Variants in POLR1A observed in about 807,000 individuals in gnomAD.
POLR1A encodes the protein RNA polymerase I subunit A.
A neutral mutation model predicts 205.3 loss-of-function variants in POLR1A; 84 were observed. That is an observed-to-expected ratio of 0.41 (90% CI 0.34 to 0.49). POLR1A has a LOEUF of 0.49. Among genes scored for constraint, POLR1A ranks in the 20% least tolerant of loss-of-function variants. POLR1A has a pLI of 0.22. For synonymous variants in POLR1A, 799 were observed against 863.7 expected (o/e 0.93, Z 1.31); for missense variants, 1,645 against 2,204.5 (o/e 0.75, Z 5.08).
chr2:86,066,649 G>A (rs1673088316), intron 13 of POLR1A, among the ~76,000 whole-genome samples: 1 of 152,098 alleles, frequency 6.6e-6, no homozygotes, highest in Admixed American at 6.5e-5. Flanking sequence ...TAAGGCTAAG[G>A]GAACTCACAA....
At chr2:86,105,214 T>C (rs2104441956) in intron 1 of POLR1A, among the ~76,000 whole-genome samples, 1 of 152,318 alleles carries the variant, frequency 6.6e-6, no homozygotes, top group East Asian at 1.9e-4. Flanking sequence ...GAATGTCAAA[T>C]GCTACCTTGA....
Position 86,075,165 on chromosome 2 carries a change from T to C in POLR1A, c.1476A>G (p.Pro492=), listed in dbSNP as rs1673259165. 3 of 1,613,628 alleles carry C rather than the reference T, an allele frequency of 1.9e-6. No homozygotes were observed. Among genetic ancestry groups the C allele is most frequent in the Non-Finnish European group, 2.5e-6 (3 of 1,179,836 alleles). ...CCTCATTGATGACCATGGAGGCTCCTGGGTGCACATTAGGGCCGTTGATGA... is the reference window on the plus strand; with the variant it reads ...CCTCATTGATGACCATGGAGGCTCCCGGGTGCACATTAGGGCCGTTGATGA... The part of the protein sequence containing the change: ...QAVINGPNVH[P]GASMVINEDG... Residue 492 remains proline (P), a synonymous_variant, in exon 12 of 34, where the codon CCA becomes CCG. Coordinates refer to ENST00000263857, the MANE Select transcript of POLR1A (RefSeq NM_015425.6).
At chr2:86,062,335 T>C (rs557348645) in intron 14 of POLR1A, among the ~76,000 whole-genome samples, 44 of 152,302 alleles carry the variant, frequency 2.9e-4, no homozygotes, top group Admixed American at 5.2e-4. Flanking sequence ...GTACAAAGGA[T>C]TTGAAAAGGA....
At chr2:86,089,179 G>A (rs571302513) in intron 4 of POLR1A, among the ~76,000 whole-genome samples, 48 of 152,324 alleles carry the variant, frequency 3.2e-4, no homozygotes, top group Non-Finnish European at 5.9e-5. Context: ...CTCAATAAGT[G>A]CTAGTTACTT....
At chr2:86,099,896 T>C (rs1558788238) in intron 2 of POLR1A, 72 bp downstream of exon 2, 1 of 1,289,706 alleles carries the variant, frequency 7.8e-7, no homozygotes, top group Non-Finnish European at 1.1e-6. Context: ...TAGACCACTC[T>C]TGTGGGAGAG....
At chr2:86,104,770 T>C (rs950649201) in intron 1 of POLR1A, among the ~76,000 whole-genome samples, 5 of 152,216 alleles carry the variant, frequency 3.3e-5, no homozygotes, top group Admixed American at 3.3e-4. Flanking sequence ...GATATGCATT[T>C]AGGCCATGTT....
chr2:86,047,516 T>C (rs576349391), intron 18 of POLR1A, among the ~76,000 whole-genome samples: 3 of 152,330 alleles, frequency 2.0e-5, no homozygotes, highest in South Asian at 4.1e-4. Context: ...GTTTCATTCA[T>C]TGGCCAAAGA....
At chr2:86,098,947 T>C (rs1673759606) in intron 2 of POLR1A, among the ~76,000 whole-genome samples, 187 bp from the exon 3 acceptor site, 2 of 152,204 alleles carry the variant, frequency 1.3e-5, no homozygotes, top group Non-Finnish European at 2.9e-5. Context: ...CTATTTTCTT[T>C]TAAGGTTTTA....
rs35443467 is a variant in POLR1A at position 86,078,184 on chromosome 2, C to T, written c.1187G>A (p.Ser396Asn). The change falls in exon 10 of 34, where the codon AGC (serine) becomes AAC (asparagine). Residue 396 changes from serine to asparagine, a missense_variant. Physicochemically the swap from Ser to Asn is conservative, Grantham distance 46. Around this residue, in one of 16 missense-constraint regions of POLR1A, gnomAD observed 131 missense variants for 214.5 expected, o/e 0.61. Coordinates refer to ENST00000263857, the MANE Select transcript of POLR1A (RefSeq NM_015425.6). ...GCTATCAAACACAATATTGACGTGG[C>T]TCTGAAGGCGAATCCAAATGTTGTA... ...KLYNIWIRLQ[S>N]HVNIVFDSEM... is the part of the protein sequence containing the mutation. The T allele has an allele frequency of 1.4e-3, 2,286 of 1,613,232 alleles. 27 individuals are homozygous for T. In the African/African-American group the frequency reaches 0.025, roughly 18 times the overall value.
intron 13 of POLR1A, among the ~76,000 whole-genome samples, chr2:86,067,536 A>C (rs1673103028): frequency 6.6e-6 from 1 of 152,234 alleles, no homozygotes; most frequent in Non-Finnish European, 1.5e-5. Flanking sequence ...TTAAGTAAAA[A>C]GACGCCACAA....
chr2:86,050,204 C>T (rs182906242), intron 16 of POLR1A, among the ~76,000 whole-genome samples: 4 of 152,306 alleles, frequency 2.6e-5, no homozygotes. Context: ...GAGTGAGCCA[C>T]TGCACCTGGC....
intron 3 of POLR1A, among the ~76,000 whole-genome samples, chr2:86,091,607 C>CA (rs1673609652): frequency 6.6e-6 from 1 of 151,550 alleles, no homozygotes; most frequent in Admixed American, 6.6e-5. Flanking sequence ...ATATATTTTA[C>CA]AAAAAAAAGT....
intron 3 of POLR1A, among the ~76,000 whole-genome samples, chr2:86,096,205 A>T (rs1673700715): frequency 6.6e-6 from 1 of 152,204 alleles, no homozygotes; most frequent in Non-Finnish European, 1.5e-5. Flanking sequence ...CCAAAAAAAT[A>T]CCTAGGAATA....
chr2:86,097,668 T>C (rs897935199), intron 3 of POLR1A, among the ~76,000 whole-genome samples: 2 of 152,150 alleles, frequency 1.3e-5, no homozygotes, highest in Non-Finnish European at 2.9e-5. Context: ...TTCCTACTCA[T>C]ATGTGGAAGC....
At chr2:86,044,091 G>A (rs771318646) in intron 22 of POLR1A, 48 bp downstream of exon 22, 1 of 1,585,076 alleles carries the variant, frequency 6.3e-7, no homozygotes, top group East Asian at 2.2e-5. Flanking sequence ...AACCTCGGTG[G>A]GGGAGGCCTA....
At position 86,105,854 on chromosome 2, in the gene POLR1A, G is replaced by A. The variant is rs1184675900; in HGVS notation, c.-78C>T. 1.5e-6 allele frequency: 2 copies of A among 1,313,246 alleles called. No homozygotes were observed. The highest frequency in any genetic ancestry group is 1.9e-5 in the Admixed American group (1 of 52,924). 81.3% of individuals were successfully genotyped at this position (1,313,246 alleles called of 1,614,324 possible). A position where few individuals can be genotyped will look rare whatever the true frequency, so the allele number is the denominator to read the frequency against. On this transcript the variant is annotated 5_prime_UTR_variant, in exon 1 of 34. Transcript: ENST00000263857. ...CTGACTATTCTTAATTCAACCTCAA[G>A]CCCGGAGTCACCACGCGATTCAACG...
At position 86,079,680 on chromosome 2, in the gene POLR1A, A is replaced by T. The variant is rs530045208; in HGVS notation, c.1086+1136T>A. On this transcript the variant is annotated intron_variant, in intron 9 of 33. Coordinates refer to ENST00000263857, the MANE Select transcript of POLR1A (RefSeq NM_015425.6). Reference sequence around the variant, plus strand: ...CTGGCTCCAGTGATCCTCCCACCTCAGCCCCCTGAGTAGCTGGCACCATAG... The same window carrying T: ...CTGGCTCCAGTGATCCTCCCACCTCTGCCCCCTGAGTAGCTGGCACCATAG... Among the ~76,000 whole-genome samples, 19 of 152,152 alleles carry T rather than the reference A, an allele frequency of 1.2e-4. No individual in the cohort carries two copies. The South Asian group carries it at 3.7e-3, about 30-fold the overall frequency.
intron 30 of POLR1A, among the ~76,000 whole-genome samples, chr2:86,030,977 G>C (rs1336788870): frequency 6.6e-6 from 1 of 152,236 alleles, no homozygotes; most frequent in East Asian, 1.9e-4. Flanking sequence ...GAAGATTAAA[G>C]GAGGTGGTGT....
At position 86,048,867 on chromosome 2, in the gene POLR1A, T is replaced by C. The variant is rs1672751539; in HGVS notation, c.2634+17A>G. 2 of 1,607,682 alleles carry C rather than the reference T, an allele frequency of 1.2e-6. No individual in the cohort carries two copies. The highest frequency in any genetic ancestry group is 1.7e-6 in the Non-Finnish European group (2 of 1,174,178). On this transcript the variant is annotated intron_variant, in intron 18 of 33. Transcript: ENST00000263857. ...ATTCATAGTGGTGGGGATAAATGCA[T>C]GCAATGCTGGGCTAACCTTGTTAAT...
Sources: allele counts gnomAD v4.1 joint callset (sites outside exome capture counted in the v4.1 genomes callset), GRCh38; gene constraint gnomAD v4.1.1; regional missense constraint gnomAD v4.1.1; transcripts MANE v1.5; gene names NCBI Gene and HGNC (gene_info 2026-07-23, HGNC 2026-07-21).